The following RBFOX1 variants were observed in gnomAD, a reference collection of about 807,000 sequenced individuals.
RBFOX1 encodes the protein RNA binding protein fox-1 homolog 1.
In RBFOX1, 8 loss-of-function variants were observed where a neutral mutation model predicts 57.7. The observed-to-expected ratio is 0.14, with a 90% confidence interval of 0.08 to 0.25. The LOEUF (loss-of-function observed/expected upper bound fraction) is 0.25. Among genes scored for constraint, RBFOX1 ranks in the 10% least tolerant of loss-of-function variants. The pLI is 1.00. For missense variants in RBFOX1, 611 were observed against 548.5 expected, an observed-to-expected ratio of 1.11 and a Z score of -1.14; for synonymous variants, 326 against 222.4, an observed-to-expected ratio of 1.47 and a Z score of -4.15.
intron 3 of RBFOX1, among the ~76,000 whole-genome samples, chr16:6,788,221 A>AAAT (rs1316773329): frequency 6.6e-6 from 1 of 151,914 alleles, no homozygotes; most frequent in African/African-American, 2.4e-5. Flanking sequence ...ACTCCATCTA[A>AAAT]AATAATAATA....
At chr16:6,109,587 C>T (rs567680102) in intron 1 of RBFOX1, among the ~76,000 whole-genome samples, 8 of 152,228 alleles carry the variant, frequency 5.3e-5, no homozygotes, top group Non-Finnish European at 1.0e-4. Flanking sequence ...TTTTCTAGTG[C>T]ACTTAAAAAT....
At chr16:6,614,179 G>T (rs8059785) in intron 2 of RBFOX1, among the ~76,000 whole-genome samples, 2 of 152,112 alleles carry the variant, frequency 1.3e-5, no homozygotes, top group Admixed American at 6.5e-5. Context: ...ATATCATTCA[G>T]ATCTTGTTTC....
At chr16:7,591,543 G>A (rs1015710870) in intron 7 of RBFOX1, among the ~76,000 whole-genome samples, 9 of 152,178 alleles carry the variant, frequency 5.9e-5, no homozygotes, top group Admixed American at 1.3e-4. Context: ...AGCAAGTCAC[G>A]TTGGTCTGGC....
intron 4 of RBFOX1, among the ~76,000 whole-genome samples, chr16:7,142,443 C>T (rs922464114): frequency 1.2e-4 from 18 of 152,176 alleles, no homozygotes; most frequent in Admixed American, 6.5e-5. Context: ...CCCTGTACCG[C>T]AGGCGACTCT....
At chr16:5,308,346 GA>G (rs34131470) in intron 1 of RBFOX1, among the ~76,000 whole-genome samples, 150,588 of 150,890 alleles carry the variant, frequency 1, 75,144 homozygotes, top group Middle Eastern at 1. Context: ...AAAGAACAAA[GA>G]AAAAAAATCA....
At chr16:5,555,038 A>C (rs932226083) in intron 2 of RBFOX1, among the ~76,000 whole-genome samples, 1 of 152,162 alleles carries the variant, frequency 6.6e-6, no homozygotes, top group African/African-American at 2.4e-5. Flanking sequence ...ACCAAATCCC[A>C]GAAGAGAGAA....
At chr16:5,716,714 A>T (rs1454861001) in intron 3 of RBFOX1, among the ~76,000 whole-genome samples, 3 of 152,230 alleles carry the variant, frequency 2.0e-5, no homozygotes, top group African/African-American at 7.2e-5. Flanking sequence ...TGCAGTGAGC[A>T]TAGGTGTCCA....
downstream of RBFOX1, chr16:5,600,230 G>A (rs1485830304): frequency 6.6e-6 from 1 of 151,932 alleles, no homozygotes; most frequent in East Asian, 1.9e-4. Flanking sequence ...GAACCTGGGA[G>A]GCAGAGCTTG....
intron 4 of RBFOX1, among the ~76,000 whole-genome samples, chr16:7,349,923 G>T (rs1279303308): frequency 6.6e-6 from 1 of 152,178 alleles, no homozygotes; most frequent in Non-Finnish European, 1.5e-5. Flanking sequence ...GAGGTGGGTG[G>T]ATCACTTGAG....
intron 1 of RBFOX1, among the ~76,000 whole-genome samples, chr16:6,152,683 C>A (rs200068850): frequency 1.0e-5 from 1 of 99,600 alleles, no homozygotes; most frequent in African/African-American, 3.7e-5. Flanking sequence ...GGCTTTCGTA[C>A]CTTCAAATCA....
At chr16:6,713,580 C>T (rs2064156656) in intron 3 of RBFOX1, among the ~76,000 whole-genome samples, 1 of 152,112 alleles carries the variant, frequency 6.6e-6, no homozygotes, top group South Asian at 2.1e-4. Flanking sequence ...CAGATATTTT[C>T]AAGTGTCCCT....
At chr16:6,157,086 T>C (rs933813485) in intron 1 of RBFOX1, among the ~76,000 whole-genome samples, 1 of 152,084 alleles carries the variant, frequency 6.6e-6, no homozygotes, top group Admixed American at 6.5e-5. Flanking sequence ...TCCTCCACCA[T>C]GGCCTCCCAA....
At chr16:5,375,770 G>A (rs12928759) in intron 1 of RBFOX1, among the ~76,000 whole-genome samples, 30,849 of 152,168 alleles carry the variant, frequency 0.2, 3,321 homozygotes, top group African/African-American at 0.25. Flanking sequence ...GCTGCAGTGC[G>A]TTCGTCCCTG....
At chr16:6,382,750 CT>C (rs2091930716) in intron 2 of RBFOX1, among the ~76,000 whole-genome samples, 1 of 152,038 alleles carries the variant, frequency 6.6e-6, no homozygotes, top group Non-Finnish European at 1.5e-5. Flanking sequence ...ATCCCAGCTA[CT>C]TGGGAGGCTG....
chr16:7,052,124 T>A (rs2050294697), intron 4 of RBFOX1, 26 bp downstream of exon 4: 3 of 1,586,888 alleles, frequency 1.9e-6, no homozygotes, highest in Admixed American at 3.8e-5. Context: ...TGTAAAATGC[T>A]TCCTGATTCT....
chr16:6,841,268 A>G (rs1040062040), intron 3 of RBFOX1, among the ~76,000 whole-genome samples: 1 of 152,192 alleles, frequency 6.6e-6, no homozygotes. Flanking sequence ...TCTTTTGAGA[A>G]TTCCTTGCGA....
rs998843643 is a variant in RBFOX1, at chr16:5,390,299, T to C, written c.220-76917T>C. 1.1e-4 allele frequency among the ~76,000 whole-genome samples: 17 copies of C among 151,014 alleles called. No homozygotes were observed. The East Asian group carries it at 1.2e-3, about 10-fold the overall frequency. On this transcript the variant is annotated intron_variant, in intron 1 of 2. Coordinates refer to the RBFOX1 transcript ENST00000585867. ...AAAGTAGTTTTTTTTTTCTTTTTTT[T>C]TTTTTTTTAAAGACAGTGTTGCTGT...
chr16:7,352,588 C>T (rs139773924), intron 4 of RBFOX1, among the ~76,000 whole-genome samples: 34 of 152,220 alleles, frequency 2.2e-4, no homozygotes, highest in African/African-American at 8.2e-4. Flanking sequence ...GTCATCCTGG[C>T]CTTGCCTTCA....
chr16:6,941,106 T>C (rs902937058), intron 3 of RBFOX1, among the ~76,000 whole-genome samples: 1 of 151,918 alleles, frequency 6.6e-6, no homozygotes, highest in African/African-American at 2.4e-5. Flanking sequence ...GAAAGAGTCT[T>C]AGTTGGAATT....
Sources: gnomAD v4.1 joint callset for allele counts (sites outside exome capture counted in the v4.1 genomes callset) on GRCh38, gnomAD v4.1.1 for gene constraint, MANE v1.5 for transcripts, NCBI Gene and HGNC (gene_info 2026-07-23, HGNC 2026-07-21) for gene names.